DACH1: variants seen among roughly 807,000 people sequenced by gnomAD.
DACH1 encodes the protein dachshund family transcription factor 1, also known as dachshund homolog 1.
DACH1 carries 12 observed loss-of-function variants against 54.2 expected under a neutral mutation model. That is an observed-to-expected ratio of 0.22 (90% CI 0.14 to 0.36). The LOEUF is 0.36. DACH1 is among the 10% of genes least tolerant of loss of function. DACH1 has a pLI of 1.00. For missense variants in DACH1, 805 were observed against 929.8 expected, an observed-to-expected ratio of 0.87 and a Z score of 1.75; for synonymous variants, 386 against 366.2, an observed-to-expected ratio of 1.05 and a Z score of -0.62.
At chr13:71,539,847 G>C (rs1431450826) in intron 6 of DACH1, among the ~76,000 whole-genome samples, 1 of 151,918 alleles carries the variant, frequency 6.6e-6, no homozygotes, top group Non-Finnish European at 1.5e-5. Flanking sequence ...AAAAGGAAGG[G>C]CAATACAAAG....
At chr13:71,790,487 G>C (rs913759794) in intron 1 of DACH1, among the ~76,000 whole-genome samples, 1 of 152,098 alleles carries the variant, frequency 6.6e-6, no homozygotes, top group African/African-American at 2.4e-5. Context: ...ATAATGCAGG[G>C]ATGTGGAGGT....
rs1555322177 is a variant in DACH1 at position 71,780,005 on chromosome 13, G to GAATGAATGAAT, written c.848+85916_848+85917insATTCATTCATT. ...GCTTCAAAAACATCCTATGAAGGAAGGAATGAATGAATGAATGAATGAATG... is the reference window on the plus strand; with the variant it reads ...GCTTCAAAAACATCCTATGAAGGAAGAATGAATGAATGAATGAATGAATGAATGAATGAATG... On this transcript the variant is annotated intron_variant, in intron 1 of 10. Coordinates refer to ENST00000613252, the MANE Select transcript of DACH1 (RefSeq NM_080759.6). Among the ~76,000 whole-genome samples, 30 of 149,966 alleles carry GAATGAATGAAT rather than the reference G, an allele frequency of 2.0e-4. No individual in the cohort carries two copies. The East Asian group carries it at 3.5e-3, about 17-fold the overall frequency.
At chr13:71,704,659 G>A (rs920741029) in intron 1 of DACH1, 10 of 325,216 alleles carry the variant, frequency 3.1e-5, no homozygotes, top group Admixed American at 1.1e-4. Flanking sequence ...GGCTTAAAAG[G>A]TATTTAAAAA....
At chr13:71,741,721 T>C (rs1253445548) in intron 1 of DACH1, among the ~76,000 whole-genome samples, 1 of 152,136 alleles carries the variant, frequency 6.6e-6, no homozygotes, top group African/African-American at 2.4e-5. Context: ...GTAAAATAAA[T>C]AATTTTTCTT....
In DACH1 at chr13:71,750,027, T is replaced by C. The variant is rs1264257254; in HGVS notation, c.849-68117A>G. On this transcript the variant is annotated intron_variant, in intron 1 of 10. Transcript: ENST00000613252. ...ACTATTTATGGAAGCACCTACTATG[T>C]GCCAGGTACTCTGTTGGGAATAAAT... is the stretch of plus-strand genomic sequence containing the variant. Among the ~76,000 whole-genome samples, 6 of 152,206 alleles carry C rather than the reference T, an allele frequency of 3.9e-5. No homozygotes were observed. The East Asian group carries it at 1.2e-3, about 29-fold the overall frequency.
Position 71,489,071 on chromosome 13 carries a change from G to C in DACH1, c.1648C>G (p.Pro550Ala), listed in dbSNP as rs983386458. The C allele has an allele frequency of 6.2e-7, 1 of 1,613,784 alleles. No homozygotes were observed. Among genetic ancestry groups the C allele is most frequent in the Non-Finnish European group, 8.5e-7 (1 of 1,179,794 alleles). ...AGAAAAGGAGATGGAAAACCTGGAGGCAGTGGTTGTCCATGCCCAGTTAGA... is the reference window on the plus strand; with the variant it reads ...AGAAAAGGAGATGGAAAACCTGGAGCCAGTGGTTGTCCATGCCCAGTTAGA... ...LSLTGHGQPL[P>A]PGFPSPFLFP... is the part of the protein sequence containing the mutation. Residue 550 changes from proline (P) to alanine (A), a missense_variant, in exon 7 of 11, where the codon CCT becomes GCT. By Grantham distance (27) the Pro-to-Ala change is conservative. Transcript: ENST00000613252.
chr13:71,855,953 C>T (rs1245811654), intron 1 of DACH1, among the ~76,000 whole-genome samples: 2 of 151,734 alleles, frequency 1.3e-5, no homozygotes, highest in East Asian at 3.9e-4. Context: ...CTCCTTAAAT[C>T]TAGGATATAT....
rs1352312067 is a variant in DACH1 at position 71,496,919 on chromosome 13, T to C, written c.1571-7771A>G. Among the ~76,000 whole-genome samples, 4 of 152,290 alleles carry C rather than the reference T, an allele frequency of 2.6e-5. No individual in the cohort carries two copies. In the East Asian group the frequency reaches 5.8e-4, roughly 22 times the overall value. ...TAATGCCCATTCTTCAAATTCTGGA[T>C]TTAAAGTTACTCCAGAAATTTTTAT... is the stretch of plus-strand genomic sequence containing the variant. On this transcript the variant is annotated intron_variant, in intron 6 of 10. Coordinates refer to ENST00000613252, the MANE Select transcript of DACH1 (RefSeq NM_080759.6).
intron 6 of DACH1, among the ~76,000 whole-genome samples, chr13:71,548,062 A>G (rs146966288): frequency 8.7e-4 from 132 of 152,336 alleles, no homozygotes; most frequent in Non-Finnish European, 1.6e-3. Flanking sequence ...AATTTTAATA[A>G]AAGTAGACTG....
At chr13:71,775,214 G>C (rs544919397) in intron 1 of DACH1, among the ~76,000 whole-genome samples, 2 of 142,848 alleles carry the variant, frequency 1.4e-5, no homozygotes, top group Non-Finnish European at 3.0e-5. Context: ...GAGGCAGGAG[G>C]ATTATTTAAG....
chr13:71,605,115 G>A (rs1874778952), intron 3 of DACH1, among the ~76,000 whole-genome samples: 1 of 151,852 alleles, frequency 6.6e-6, no homozygotes, highest in Non-Finnish European at 1.5e-5. Flanking sequence ...CTTAAAGCTT[G>A]ATTAGATAAA....
At chr13:71,470,246 A>C (rs575130043) in intron 10 of DACH1, among the ~76,000 whole-genome samples, 1 of 152,334 alleles carries the variant, frequency 6.6e-6, no homozygotes, top group South Asian at 2.1e-4. Flanking sequence ...ACGAAGAATA[A>C]ACACATCCTG....
intron 3 of DACH1, among the ~76,000 whole-genome samples, chr13:71,622,028 G>A (rs999666387): frequency 2.0e-5 from 3 of 151,844 alleles, no homozygotes; most frequent in South Asian, 2.1e-4. Flanking sequence ...TGGGGATGGG[G>A]CATAAAGAGC....
intron 3 of DACH1, among the ~76,000 whole-genome samples, chr13:71,615,308 C>A (rs1875678176): frequency 6.6e-6 from 1 of 152,138 alleles, no homozygotes; most frequent in Non-Finnish European, 1.5e-5. Flanking sequence ...GTAATTAACA[C>A]AGTCTTAATC....
At chr13:71,807,247 TATATCCAACACAAAA>T (rs1236685163) in intron 1 of DACH1, among the ~76,000 whole-genome samples, 1 of 152,160 alleles carries the variant, frequency 6.6e-6, no homozygotes, top group Non-Finnish European at 1.5e-5. Flanking sequence ...ATGGCATGTT[TATATCCAACACAAAA>T]ATATGCCAAT....
At chr13:71,847,052 T>C (rs1410718429) in intron 1 of DACH1, among the ~76,000 whole-genome samples, 3 of 152,076 alleles carry the variant, frequency 2.0e-5, no homozygotes, top group Non-Finnish European at 4.4e-5. Flanking sequence ...CAAACCTTAA[T>C]TAATAATAAT....
chr13:71,593,705 A>T (rs1356000574), intron 3 of DACH1, among the ~76,000 whole-genome samples: 1 of 152,070 alleles, frequency 6.6e-6, no homozygotes, highest in Non-Finnish European at 1.5e-5. Context: ...AAAAGTATTC[A>T]TAATCCTTAA....
intron 1 of DACH1, among the ~76,000 whole-genome samples, chr13:71,847,883 G>A (rs1228236485): frequency 6.6e-6 from 1 of 152,138 alleles, no homozygotes; most frequent in Non-Finnish European, 1.5e-5. Context: ...CAAAATATTG[G>A]ACAGGCACCA....
chr13:71,522,743 G>A (rs1881694781), intron 6 of DACH1, among the ~76,000 whole-genome samples: 1 of 151,748 alleles, frequency 6.6e-6, no homozygotes, highest in Non-Finnish European at 1.5e-5. Context: ...AACCCATTTC[G>A]ACATCCATAC....
Sources: allele counts gnomAD v4.1 joint callset (sites outside exome capture counted in the v4.1 genomes callset), GRCh38; gene constraint gnomAD v4.1.1; transcripts MANE v1.5; gene names NCBI Gene and HGNC (gene_info 2026-07-23, HGNC 2026-07-21).